Variants in ATP2B1 observed in about 807,000 individuals in gnomAD.
ATP2B1 encodes the protein ATPase plasma membrane Ca2+ transporting 1.
A neutral mutation model predicts 124.2 loss-of-function variants in ATP2B1; 14 were observed. The observed-to-expected ratio is 0.11, with a 90% confidence interval of 0.07 to 0.18. ATP2B1 has a LOEUF of 0.18. Ranked by LOEUF, ATP2B1 falls within the 10% of genes least tolerant of loss-of-function variation. ATP2B1 has a pLI of 1.00. For missense variants in ATP2B1, 763 were observed against 1,466.1 expected, an observed-to-expected ratio of 0.52 and a Z score of 7.83; for synonymous variants, 449 against 492.4, an observed-to-expected ratio of 0.91 and a Z score of 1.17.
At chr12:89,695,630 GTTTTC>G (rs1891054501) in intron 1 of ATP2B1, among the ~76,000 whole-genome samples, 3 of 151,616 alleles carry the variant, frequency 2.0e-5, no homozygotes, top group East Asian at 3.9e-4. Context: ...AACTTCTGAA[GTTTTC>G]TCCTCTATTA....
rs570033671 is a variant in ATP2B1 at position 89,624,982 on chromosome 12, G to C, written c.1130-585C>G. The stretch of plus-strand genomic sequence containing the variant: ...TCTTTGACATATGTATTAAAAAATA[G>C]GGCAGCTGGCTGGGCGCAGTGGCTC... On this transcript the variant is annotated intron_variant, in intron 8 of 20. Transcript: ENST00000428670. Among the ~76,000 whole-genome samples the C allele has an allele frequency of 8.5e-5, 13 of 152,180 alleles. No individual in the cohort carries two copies. The East Asian group carries it at 2.5e-3, about 29-fold the overall frequency.
At chr12:89,648,994 T>G (rs758465598) in intron 2 of ATP2B1, among the ~76,000 whole-genome samples, 6 of 152,244 alleles carry the variant, frequency 3.9e-5, no homozygotes, top group Non-Finnish European at 8.8e-5. Context: ...AATTCAAGTG[T>G]GGAGGAGGCT....
At chr12:89,701,236 A>G (rs1593020201) in intron 1 of ATP2B1, among the ~76,000 whole-genome samples, 1 of 152,140 alleles carries the variant, frequency 6.6e-6, no homozygotes, top group Non-Finnish European at 1.5e-5. Context: ...TGGTCTGTCT[A>G]AATGTGCCCA....
chr12:89,602,960 A>G lies in ATP2B1; in HGVS notation c.3060+83T>C, dbSNP rs1457780564. 1.1e-5 allele frequency: 13 copies of G among 1,224,608 alleles called. No homozygotes were observed. The Admixed American group carries it at 1.7e-4, about 16-fold the overall frequency. The allele number at this position is 1,224,608 out of a possible 1,614,324, so 75.9% of individuals were successfully genotyped here. Reference sequence around the variant, plus strand: ...GGCAACAGTTCCACACATGTTCCACACAAGTGATTGCTAGAACAAGCTGTT... The same window carrying G: ...GGCAACAGTTCCACACATGTTCCACGCAAGTGATTGCTAGAACAAGCTGTT... On this transcript the variant is annotated intron_variant, in intron 18 of 20. Transcript: ENST00000428670.
intron 5 of ATP2B1, among the ~76,000 whole-genome samples, chr12:89,632,066 A>T (rs1011236192): frequency 6.6e-6 from 1 of 152,018 alleles, no homozygotes; most frequent in Non-Finnish European, 1.5e-5. Flanking sequence ...CCACATCTCT[A>T]TATCTTTTCT....
chr12:89,632,372 T>A (rs1207194366), intron 5 of ATP2B1, among the ~76,000 whole-genome samples: 1 of 152,226 alleles, frequency 6.6e-6, no homozygotes, highest in Admixed American at 6.5e-5. Context: ...GGCCTTTGCT[T>A]CCTTGCTTTT....
chr12:89,590,907 C>T lies in ATP2B1; in HGVS notation c.*77G>A. 3.0e-6 allele frequency: 4 copies of T among 1,346,376 alleles called. No homozygotes were observed. The highest frequency in any genetic ancestry group is 4.1e-6 in the Non-Finnish European group (4 of 964,712). The allele number at this position is 1,346,376 out of a possible 1,614,324, so 83.4% of individuals were successfully genotyped here. A position where few individuals can be genotyped will look rare whatever the true frequency, so the allele number is the denominator to read the frequency against. On this transcript the variant is annotated 3_prime_UTR_variant, in exon 21 of 21. Coordinates refer to ENST00000428670, the MANE Select transcript of ATP2B1 (RefSeq NM_001366521.1). ...CCAAAGACAAGAATACTAGCTTGTC[C>T]ATCACAATATGTGAAAAGACCCAGT... is the stretch of plus-strand genomic sequence containing the variant.
At chr12:89,599,634 A>G (rs1047242785) in intron 19 of ATP2B1, among the ~76,000 whole-genome samples, 2 of 152,196 alleles carry the variant, frequency 1.3e-5, no homozygotes, top group African/African-American at 4.8e-5. Flanking sequence ...TATTTTGAAT[A>G]CAATGAAAAT....
At position 89,695,058 on chromosome 12, in the gene ATP2B1, CAAAAA is replaced by C. The variant is rs544087541; in HGVS notation, c.-222+13533_-222+13537del. On this transcript the variant is annotated intron_variant, in intron 1 of 20. Transcript: ENST00000428670. ...GGGCGACAAGAGCAAGATGCTGTTT[CAAAAA>C]AAAAAAAAGAAAAGAATTATAAGAA... Among the ~76,000 whole-genome samples, 27 of 111,214 alleles carry C rather than the reference CAAAAA, an allele frequency of 2.4e-4. 1 individual carries two copies. In the Admixed American group the frequency reaches 2.5e-3, roughly 10 times the overall value. 73.0% of individuals were successfully genotyped at this position (111,214 alleles called of 152,430 possible).
At chr12:89,684,068 A>C (rs1393951693) in intron 1 of ATP2B1, among the ~76,000 whole-genome samples, 2 of 152,220 alleles carry the variant, frequency 1.3e-5, no homozygotes, top group Non-Finnish European at 2.9e-5. Flanking sequence ...TAGGGGGGAA[A>C]AAAAGCAAAG....
intron 11 of ATP2B1, 150 bp downstream of exon 11, chr12:89,619,849 A>G: frequency 2.0e-6 from 2 of 975,980 alleles, no homozygotes; most frequent in Non-Finnish European, 3.0e-6. Flanking sequence ...GCAGGGGCAA[A>G]TATCTGGATA....
intron 1 of ATP2B1, among the ~76,000 whole-genome samples, chr12:89,687,848 AACATATCCAAGAATTCACTGG>A (rs1175072671): frequency 6.6e-6 from 1 of 152,126 alleles, no homozygotes; most frequent in Non-Finnish European, 1.5e-5. Flanking sequence ...GAACCATTAA[AACATATCCAAGAATTCACTGG>A]ACTGTGAATT....
chr12:89,644,522 G>A (rs1466431686), intron 2 of ATP2B1, among the ~76,000 whole-genome samples: 4 of 148,032 alleles, frequency 2.7e-5, no homozygotes, highest in Non-Finnish European at 5.9e-5. Flanking sequence ...AAGTATTTTA[G>A]ATTTCTCAGT....
intron 20 of ATP2B1, chr12:89,593,287 T>C (rs1592689121): frequency 6.6e-6 from 1 of 152,130 alleles, no homozygotes; most frequent in Non-Finnish European, 1.5e-5. Flanking sequence ...AAAAGATAAC[T>C]TTCTAAAAAA....
In ATP2B1 at chr12:89,702,660, G is replaced by A. The variant is rs535128716; in HGVS notation, c.-222+5936C>T. Reference sequence around the variant, plus strand: ...TTTATCAGGTCTGTACAGTAGTCATGCCAGTTTACAGTTAGGCAGTGTAAT... The same window carrying A: ...TTTATCAGGTCTGTACAGTAGTCATACCAGTTTACAGTTAGGCAGTGTAAT... On this transcript the variant is annotated intron_variant, in intron 1 of 20. Coordinates refer to ENST00000428670, the MANE Select transcript of ATP2B1 (RefSeq NM_001366521.1). 1.2e-4 allele frequency among the ~76,000 whole-genome samples: 19 copies of A among 152,216 alleles called. 2 individuals are homozygous for A. The South Asian group carries it at 3.7e-3, about 30-fold the overall frequency.
At position 89,624,300 on chromosome 12, in the gene ATP2B1, T is replaced by C. The variant is rs1454240895; in HGVS notation, c.1227A>G (p.Thr409=). The C allele has an allele frequency of 2.5e-6, 4 of 1,614,054 alleles. No individual in the cohort carries two copies. In the East Asian group the frequency reaches 6.7e-5, roughly 27 times the overall value. ...VQKRPWLAEC[T]PIYIQYFVKF... Reference sequence around the variant, plus strand: ...TCACAAAGTATTGTATATAAATTGGTGTGCACTCAGCAAGCCATGGTCTTT... The same window carrying C: ...TCACAAAGTATTGTATATAAATTGGCGTGCACTCAGCAAGCCATGGTCTTT... Residue 409 remains threonine, a synonymous_variant, in exon 9 of 21, where the codon ACA becomes ACG. Coordinates refer to ENST00000428670, the MANE Select transcript of ATP2B1 (RefSeq NM_001366521.1).
intron 8 of ATP2B1, 66 bp downstream of exon 8, chr12:89,626,388 A>G: frequency 4.7e-6 from 7 of 1,495,796 alleles, no homozygotes; most frequent in Non-Finnish European, 6.2e-6. Flanking sequence ...AGTGTGTCAA[A>G]AGACAATTTT....
chr12:89,649,088 T>C (rs555087550), intron 2 of ATP2B1, among the ~76,000 whole-genome samples: 3 of 152,334 alleles, frequency 2.0e-5, no homozygotes, highest in South Asian at 2.1e-4. Flanking sequence ...AGAGCCCCCA[T>C]AGTGAAACTC....
chr12:89,610,776 A>T, intron 13 of ATP2B1: 1 of 398,090 alleles, frequency 2.5e-6, no homozygotes, highest in Non-Finnish European at 4.5e-6. Flanking sequence ...GTTTTTATAT[A>T]TCATTATGAG....
Sources: gnomAD v4.1 joint callset for allele counts (sites outside exome capture counted in the v4.1 genomes callset) on GRCh38, gnomAD v4.1.1 for gene constraint, MANE v1.5 for transcripts, NCBI Gene and HGNC (gene_info 2026-07-23, HGNC 2026-07-21) for gene names.